The following NXPE2 variants were observed in gnomAD, a reference collection of about 807,000 sequenced individuals.
NXPE2 encodes NXPE family member 2.
A neutral mutation model predicts 34.4 loss-of-function variants in NXPE2; 34 were observed. The ratio of observed to expected loss-of-function variants is 0.99; its 90% CI spans 0.75 to 1.31. NXPE2 has a LOEUF of 1.31. Ranked by LOEUF, NXPE2 falls within the 40% of genes most tolerant of loss-of-function variation. The pLI is 0.00. For synonymous variants in NXPE2, 235 were observed against 231.3 expected (o/e 1.02, Z -0.15); for missense variants, 649 against 672.5 (o/e 0.97, Z 0.39).
chr11:114,727,015 A>G, the NXPE2 span, among the ~76,000 whole-genome samples: 2 of 152,048 alleles, frequency 1.3e-5, no homozygotes, highest in African/African-American at 4.8e-5. Flanking sequence ...ATGGCCATTC[A>G]TGATAATCTA....
chr11:114,593,328 G>A, the NXPE2 span, among the ~76,000 whole-genome samples: 1 of 152,002 alleles, frequency 6.6e-6, no homozygotes, highest in African/African-American at 2.4e-5. Flanking sequence ...CAACTCTATA[G>A]CAAAAATATT....
chr11:114,522,173 A>C, the NXPE2 span: 1 of 1,613,984 alleles, frequency 6.2e-7, no homozygotes, highest in East Asian at 2.2e-5. Flanking sequence ...CATCTCCCTG[A>C]TGTTTTCTGT....
downstream of NXPE2, among the ~76,000 whole-genome samples, chr11:114,709,874 C>T (rs1218832868): frequency 6.6e-6 from 1 of 151,594 alleles, no homozygotes; most frequent in Non-Finnish European, 1.5e-5. Flanking sequence ...TTCATTCCAG[C>T]CTGGGTGACA....
the NXPE2 span, among the ~76,000 whole-genome samples, chr11:114,730,904 C>T: frequency 6.6e-6 from 1 of 152,136 alleles, no homozygotes; most frequent in East Asian, 1.9e-4. Context: ...TGCCTGGTTG[C>T]TCTGGCTAGG....
chr11:114,496,597 C>T, the NXPE2 span, among the ~76,000 whole-genome samples: 1 of 152,118 alleles, frequency 6.6e-6, no homozygotes, highest in Non-Finnish European at 1.5e-5. Flanking sequence ...ACCTCCTCAA[C>T]ATTTTGTTTT....
At chr11:114,702,636 T>C (rs908762827) in intron 3 of NXPE2, among the ~76,000 whole-genome samples, 1 of 152,174 alleles carries the variant, frequency 6.6e-6, no homozygotes, top group East Asian at 1.9e-4. Context: ...ATTTTGAAGA[T>C]GAGAAAATTT....
the NXPE2 span, among the ~76,000 whole-genome samples, chr11:114,621,749 T>C: frequency 6.6e-6 from 1 of 152,136 alleles, no homozygotes; most frequent in Non-Finnish European, 1.5e-5. Context: ...GGTTAACTGC[T>C]AGATAATAGG....
At chr11:114,578,725 A>G in the NXPE2 span, among the ~76,000 whole-genome samples, 4 of 152,182 alleles carry the variant, frequency 2.6e-5, no homozygotes, top group Non-Finnish European at 5.9e-5. Context: ...AGGGGTAGAC[A>G]ATAATGGTTT....
chr11:114,702,554 A>T (rs530670631), intron 3 of NXPE2, among the ~76,000 whole-genome samples: 1 of 152,344 alleles, frequency 6.6e-6, no homozygotes, highest in East Asian at 1.9e-4. Flanking sequence ...GCCAACATTT[A>T]TGTTAGATGC....
the NXPE2 span, among the ~76,000 whole-genome samples, chr11:114,794,123 G>A: frequency 6.6e-6 from 1 of 152,118 alleles, no homozygotes; most frequent in African/African-American, 2.4e-5. Flanking sequence ...ACTTCCTGCT[G>A]AGTCTCTCCC....
the NXPE2 span, among the ~76,000 whole-genome samples, chr11:114,773,394 CT>C: frequency 5.3e-5 from 8 of 151,784 alleles, no homozygotes; most frequent in Non-Finnish European, 1.0e-4. Flanking sequence ...CCCCCCGCCC[CT>C]TTGCCCTTGA....
chr11:114,594,887 T>C, the NXPE2 span: 2 of 591,306 alleles, frequency 3.4e-6, no homozygotes, highest in Non-Finnish European at 6.0e-6. Context: ...CTCAGATAAA[T>C]AACTCCCAGA....
the NXPE2 span, among the ~76,000 whole-genome samples, chr11:114,725,931 T>C: frequency 7.2e-6 from 1 of 139,168 alleles, no homozygotes; most frequent in Non-Finnish European, 1.5e-5. Context: ...GACAGAGAGA[T>C]CTCAAGACCA....
the NXPE2 span, among the ~76,000 whole-genome samples, chr11:114,567,564 T>A: frequency 6.6e-6 from 1 of 151,980 alleles, no homozygotes; most frequent in Non-Finnish European, 1.5e-5. Context: ...CCTTTTATCT[T>A]ATAGTCACTC....
chr11:114,811,322 A>G, the NXPE2 span, among the ~76,000 whole-genome samples: 1 of 145,408 alleles, frequency 6.9e-6, no homozygotes, highest in Non-Finnish European at 1.5e-5. Flanking sequence ...GTACCCTAAA[A>G]CTTAAAGTAT....
the NXPE2 span, among the ~76,000 whole-genome samples, chr11:114,663,286 C>T: frequency 6.6e-6 from 1 of 152,150 alleles, no homozygotes; most frequent in Non-Finnish European, 1.5e-5. Context: ...TACAGTAGAA[C>T]CATTAATATC....
At chr11:114,656,807 A>G in the NXPE2 span, among the ~76,000 whole-genome samples, 2 of 152,144 alleles carry the variant, frequency 1.3e-5, no homozygotes, top group Admixed American at 6.6e-5. Context: ...TAGTAGTAGT[A>G]GTGTTTAAAA....
the NXPE2 span, among the ~76,000 whole-genome samples, chr11:114,630,040 G>A: frequency 6.6e-6 from 1 of 151,212 alleles, no homozygotes; most frequent in African/African-American, 2.4e-5. Flanking sequence ...ACAAATGGAA[G>A]AACATTCCAT....
intron 2 of NXPE2, among the ~76,000 whole-genome samples, chr11:114,691,254 A>AT (rs929223019): frequency 2.7e-5 from 4 of 145,566 alleles, no homozygotes; most frequent in Admixed American, 6.8e-5. Flanking sequence ...GGGATTCTTG[A>AT]TTTTTTCTTT....
Sources: gnomAD v4.1 joint callset for allele counts (sites outside exome capture counted in the v4.1 genomes callset) on GRCh38, gnomAD v4.1.1 for gene constraint, MANE v1.5 for transcripts, NCBI Gene and HGNC (gene_info 2026-07-23, HGNC 2026-07-21) for gene names.